The following NAXD variants were observed in gnomAD, a reference collection of about 807,000 sequenced individuals.
The protein encoded by NAXD is NAD(P)HX dehydratase.
NAXD carries 22 observed loss-of-function variants against 35.8 expected under a neutral mutation model. The ratio of observed to expected loss-of-function variants is 0.62; its 90% CI spans 0.44 to 0.88. The LOEUF is 0.88. NAXD is among the 40% of genes least tolerant of loss of function. NAXD has a pLI of 0.00. For synonymous variants in NAXD, 189 were observed against 177.6 expected, an observed-to-expected ratio of 1.06 and a Z score of -0.51; for missense variants, 428 against 437.7, an observed-to-expected ratio of 0.98 and a Z score of 0.20.
At chr13:110,626,449 C>G (rs993625898) in intron 4 of NAXD, among the ~76,000 whole-genome samples, 2 of 151,328 alleles carry the variant, frequency 1.3e-5, no homozygotes, top group Non-Finnish European at 2.9e-5. Context: ...GTTAGACATC[C>G]AAGGGACGTG....
chr13:110,624,196 T>C (rs758616045), intron 2 of NAXD, 38 bp from the exon 3 acceptor site: 2 of 1,356,438 alleles, frequency 1.5e-6, no homozygotes, highest in Non-Finnish European at 2.1e-6. Flanking sequence ...GCTTACCTTA[T>C]TCTCAGAAGT....
In NAXD at chr13:110,622,341, A is replaced by G; in HGVS notation, c.172A>G (p.Ile58Val). Residue 58 changes from isoleucine (I) to valine (V), a missense_variant, in exon 2 of 10, where the codon ATA becomes GTA. Around this residue, in one of 3 missense-constraint regions of NAXD, gnomAD observed 208 missense variants for 193.0 expected, o/e 1.08. Transcript: ENST00000680254. ...STKHKGQDGR[I>V]GVVGGCQEYT... is the part of the protein sequence containing the mutation. The stretch of plus-strand genomic sequence containing the variant: ...AAAGCACAAAGGGCAAGATGGAAGA[A>G]TAGGCGTAGTTGGAGGCTGTCAGGA... 1 of 1,614,236 alleles carries G rather than the reference A, an allele frequency of 6.2e-7. No individual in the cohort carries two copies.
chr13:110,627,640 T>C, intron 5 of NAXD, 93 bp downstream of exon 5: 2 of 833,658 alleles, frequency 2.4e-6, no homozygotes, highest in East Asian at 5.0e-5. Flanking sequence ...TTGTGTAGTG[T>C]TCCGTGTGCC....
Position 110,638,062 on chromosome 13 carries a change from A to G in NAXD, c.840-316A>G, listed in dbSNP as rs1300456870. Among the ~76,000 whole-genome samples, 3 of 152,146 alleles carry G rather than the reference A, an allele frequency of 2.0e-5. No homozygotes were observed. Among genetic ancestry groups the G allele is most frequent in the Non-Finnish European group, 4.4e-5 (3 of 68,032 alleles). On this transcript the variant is annotated intron_variant, in intron 9 of 9. Coordinates refer to ENST00000680254, the MANE Select transcript of NAXD (RefSeq NM_001242882.2). The surrounding 1 kb of genome is among the most constrained non-coding windows in gnomAD (Gnocchi z 5.4). ...CCCTCTGCACCTGGGCACTGAGAGC[A>G]CAGTCAAACAGGGCTAAGCAGCTTG...
At chr13:110,634,001 G>A (rs1886822233) in intron 5 of NAXD, among the ~76,000 whole-genome samples, 1 of 152,202 alleles carries the variant, frequency 6.6e-6, no homozygotes, top group Admixed American at 6.5e-5. Context: ...TCATGGGTTA[G>A]CCTAGGAGCC....
intron 4 of NAXD, among the ~76,000 whole-genome samples, chr13:110,626,235 C>T (rs1028655434): frequency 6.6e-6 from 1 of 150,660 alleles, no homozygotes; most frequent in Non-Finnish European, 1.5e-5. Context: ...GGGAAGGGTG[C>T]AGTCAGATGG....
chr13:110,631,223 T>A (rs1385768772), intron 5 of NAXD, among the ~76,000 whole-genome samples: 1 of 152,196 alleles, frequency 6.6e-6, no homozygotes, highest in Non-Finnish European at 1.5e-5. Context: ...TCCTGGAGAC[T>A]TTTTCATGGA....
At chr13:110,637,944 G>C (rs577651989) in intron 9 of NAXD, 1 of 547,772 alleles carries the variant, frequency 1.8e-6, no homozygotes, top group African/African-American at 1.9e-5. Context: ...GAGTCTTACT[G>C]TTCATTCTGC....
intron 1 of NAXD, among the ~76,000 whole-genome samples, chr13:110,617,111 C>A (rs1403909490): frequency 6.6e-6 from 1 of 152,126 alleles, no homozygotes; most frequent in Non-Finnish European, 1.5e-5. Flanking sequence ...TAAACTTTTA[C>A]GAAAAGCCAG....
rs1887116048 is a variant in NAXD at position 110,639,911 on chromosome 13, A to G, written c.*1383A>G. The G allele has an allele frequency of 1.3e-5, 2 of 152,262 alleles. No individual in the cohort carries two copies. The allele number at this position is 152,262 out of a possible 1,614,324, so 9.4% of individuals were successfully genotyped here. A position where few individuals can be genotyped will look rare whatever the true frequency, so the allele number is the denominator to read the frequency against. ...ACTGTCTACATGTGAACTTTTCCAGAAAAACTGTGCCATGGACATTTTTCC... is the reference window on the plus strand; with the variant it reads ...ACTGTCTACATGTGAACTTTTCCAGGAAAACTGTGCCATGGACATTTTTCC... On this transcript the variant is annotated 3_prime_UTR_variant, in exon 10 of 10. Coordinates refer to ENST00000680254, the MANE Select transcript of NAXD (RefSeq NM_001242882.2).
intron 1 of NAXD, among the ~76,000 whole-genome samples, chr13:110,619,704 A>G (rs1364100805): frequency 6.6e-6 from 1 of 152,176 alleles, no homozygotes; most frequent in African/African-American, 2.4e-5. Flanking sequence ...GTGTACATGC[A>G]CTGCTGACTG....
At chr13:110,636,556 G>A (rs780738448) in intron 8 of NAXD, among the ~76,000 whole-genome samples, 3 of 152,168 alleles carry the variant, frequency 2.0e-5, no homozygotes, top group Non-Finnish European at 4.4e-5. Context: ...TTGAGATGAG[G>A]GTTTTTTAAT....
chr13:110,638,486 C>CTT lies in NAXD; in HGVS notation c.948_949insTT (p.Ala317LeufsTer64), dbSNP rs778824382. 2.9e-5 allele frequency: 46 copies of CTT among 1,612,948 alleles called. No homozygotes were observed. Among genetic ancestry groups the CTT allele is most frequent in the Non-Finnish European group, 3.8e-5 (45 of 1,179,916 alleles). ...GCTCCACCACCACCTCCGACATGAT[C>CTT]GCCGAGGTGGGGGCCGCCTTCAGCA... On this transcript the variant is annotated frameshift_variant, in exon 10 of 10. Transcript: ENST00000680254. LOFTEE classifies it high-confidence loss of function. The surrounding 1 kb of genome is among the most constrained non-coding windows in gnomAD (Gnocchi z 5.4).
chr13:110,622,868 G>C (rs149964404), intron 2 of NAXD, among the ~76,000 whole-genome samples: 1 of 152,150 alleles, frequency 6.6e-6, no homozygotes, highest in African/African-American at 2.4e-5. Flanking sequence ...AAAGCCTGCC[G>C]TGGCTCCTCT....
chr13:110,630,212 A>G (rs1028960285), intron 5 of NAXD, among the ~76,000 whole-genome samples: 2 of 151,946 alleles, frequency 1.3e-5, no homozygotes, highest in Non-Finnish European at 2.9e-5. Flanking sequence ...TATTTTTAGT[A>G]GAGATGGGGT....
intron 2 of NAXD, among the ~76,000 whole-genome samples, chr13:110,623,773 C>T (rs1043313274): frequency 3.3e-5 from 5 of 152,164 alleles, no homozygotes; most frequent in African/African-American, 9.7e-5. Flanking sequence ...GAGGCCGAGG[C>T]GGGCGGATCA....
intron 4 of NAXD, among the ~76,000 whole-genome samples, chr13:110,625,953 G>A (rs1446322580): frequency 1.3e-5 from 2 of 152,208 alleles, no homozygotes; most frequent in African/African-American, 4.8e-5. Context: ...GTGAGAGTGG[G>A]CAGAGGGGCA....
intron 8 of NAXD, among the ~76,000 whole-genome samples, chr13:110,636,475 C>T (rs915097933): frequency 8.5e-5 from 13 of 152,060 alleles, no homozygotes; most frequent in Admixed American, 3.9e-4. Flanking sequence ...CACACGCCCT[C>T]GCACACTCAT....
chr13:110,634,893 G>T, intron 7 of NAXD, 117 bp downstream of exon 7: 1 of 740,252 alleles, frequency 1.4e-6, no homozygotes. Flanking sequence ...GCAAGTAATC[G>T]CTGTGCCTCT....
Sources: gnomAD v4.1 joint callset for allele counts (sites outside exome capture counted in the v4.1 genomes callset) on GRCh38, gnomAD v4.1.1 for gene constraint, gnomAD v4.1.1 regional missense constraint, Gnocchi (gnomAD v3.1) non-coding constraint, MANE v1.5 for transcripts, NCBI Gene and HGNC (gene_info 2026-07-23, HGNC 2026-07-21) for gene names.